Variants in ABLIM2 observed in about 807,000 individuals in gnomAD.
ABLIM2 encodes the protein actin-binding LIM protein 2.
Under a neutral mutation model 97.7 loss-of-function variants are expected in ABLIM2, and 53 were observed. The ratio of observed to expected loss-of-function variants is 0.54; its 90% CI spans 0.44 to 0.68. ABLIM2 has a LOEUF of 0.68. ABLIM2 is among the 30% of genes least tolerant of loss of function. The pLI, the probability that ABLIM2 is intolerant of heterozygous loss-of-function variation, is 0.00. For synonymous variants in ABLIM2, 361 were observed against 345.8 expected, an observed-to-expected ratio of 1.04 and a Z score of -0.49; for missense variants, 835 against 867.2, an observed-to-expected ratio of 0.96 and a Z score of 0.47.
chr4:8,155,597 A>C lies in ABLIM2; in HGVS notation c.10+3083T>G, dbSNP rs1715048350. Among the ~76,000 whole-genome samples, 1 of 152,196 alleles carries C rather than the reference A, an allele frequency of 6.6e-6. No homozygotes were observed. The highest frequency in any genetic ancestry group is 6.5e-5 in the Admixed American group (1 of 15,290). On this transcript the variant is annotated intron_variant, in intron 1 of 20. Transcript: ENST00000447017. The surrounding 1 kb of genome is among the most constrained non-coding windows in gnomAD (Gnocchi z 4.2). ...TATGGACTGAATTGTCTAAATTCAT[A>C]TGCTGAAGTCCTAACCCCCAGTACT...
In ABLIM2 at chr4:7,970,142, T is replaced by G. The variant is rs539649116; in HGVS notation, c.1825-3039A>C. ...GTGATACCAGACCTTGTTCCAGACA[T>G]GGAAAGTCAGAGACACAAGGCCCCT... On this transcript the variant is annotated intron_variant, in intron 20 of 20. Transcript: ENST00000447017. The surrounding 1 kb of genome is among the most constrained non-coding windows in gnomAD (Gnocchi z 5.3). Among the ~76,000 whole-genome samples, 2 of 152,234 alleles carry G rather than the reference T, an allele frequency of 1.3e-5. No individual in the cohort carries two copies. Among genetic ancestry groups the G allele is most frequent in the South Asian group, 4.1e-4 (2 of 4,828 alleles).
Position 8,043,610 on chromosome 4 carries a change from T to C in ABLIM2, c.900+1554A>G, listed in dbSNP as rs929072955. ...CCGGATGCACACAGATGACCCGTGA[T>C]GATGCAAGGAGAGGACGGCCGCCTG... is the stretch of plus-strand genomic sequence containing the variant. On this transcript the variant is annotated intron_variant, in intron 9 of 20. Coordinates refer to ENST00000447017, the MANE Select transcript of ABLIM2 (RefSeq NM_001130083.2). The surrounding 1 kb of genome is among the most constrained non-coding windows in gnomAD (Gnocchi z 4.8). Among the ~76,000 whole-genome samples the C allele has an allele frequency of 1.3e-5, 2 of 152,124 alleles. No individual in the cohort carries two copies. Among genetic ancestry groups the C allele is most frequent in the East Asian group, 1.9e-4 (1 of 5,160 alleles).
intron 1 of ABLIM2, among the ~76,000 whole-genome samples, chr4:8,134,467 C>T (rs979605261): frequency 6.6e-6 from 1 of 152,220 alleles, no homozygotes; most frequent in East Asian, 1.9e-4. Context: ...CGGCCCAGCC[C>T]CCGTCGGCAA....
chr4:8,039,235 T>C (rs755502865), intron 9 of ABLIM2, among the ~76,000 whole-genome samples: 21 of 151,760 alleles, frequency 1.4e-4, no homozygotes, highest in African/African-American at 4.6e-4. Context: ...CCTGGCGGGG[T>C]GTGTTTTGCA....
At chr4:8,027,675 T>C in intron 12 of ABLIM2, 84 bp downstream of exon 12, 2 of 1,133,160 alleles carry the variant, frequency 1.8e-6, no homozygotes, top group Admixed American at 6.6e-5. Flanking sequence ...GGTGAAGCCA[T>C]GCGGCAGACA....
At chr4:7,967,210 G>T (rs1444745574) in intron 20 of ABLIM2, 107 bp from the exon 21 acceptor site, 63 of 893,936 alleles carry the variant, frequency 7.0e-5, no homozygotes, top group Middle Eastern at 6.6e-4. Flanking sequence ...TTGCATTGAG[G>T]ATGGGGTGGC....
intron 20 of ABLIM2, among the ~76,000 whole-genome samples, chr4:7,969,845 T>C (rs770805622): frequency 6.6e-6 from 1 of 151,896 alleles, no homozygotes; most frequent in Non-Finnish European, 1.5e-5. Context: ...AGGAAAAGAA[T>C]CCTGGTGCTT....
intron 3 of ABLIM2, among the ~76,000 whole-genome samples, chr4:8,091,479 A>AATTATATATAATAT (rs1827976344): frequency 2.0e-4 from 4 of 19,904 alleles, no homozygotes; most frequent in African/African-American, 2.9e-4. Flanking sequence ...TATAATATAT[A>AATTATATATAATAT]ATATTTTATA....
chr4:8,136,098 C>T (rs1016207678), intron 1 of ABLIM2, among the ~76,000 whole-genome samples: 5 of 152,182 alleles, frequency 3.3e-5, no homozygotes, highest in Admixed American at 6.5e-5. Flanking sequence ...GTGGTCTATA[C>T]GGACGATGAA....
intron 6 of ABLIM2, among the ~76,000 whole-genome samples, chr4:8,062,363 T>C (rs1161327467): frequency 6.6e-6 from 1 of 152,050 alleles, no homozygotes; most frequent in Non-Finnish European, 1.5e-5. Flanking sequence ...CCACAGCATC[T>C]GGCCCCAGAA....
intron 1 of ABLIM2, among the ~76,000 whole-genome samples, chr4:8,139,683 G>T (rs746791770): frequency 6.6e-6 from 1 of 152,204 alleles, no homozygotes; most frequent in Non-Finnish European, 1.5e-5. Flanking sequence ...CATTGTGAAA[G>T]ATAGTGTGCT....
At chr4:8,138,929 G>A (rs1317722039) in intron 1 of ABLIM2, among the ~76,000 whole-genome samples, 1 of 152,244 alleles carries the variant, frequency 6.6e-6, no homozygotes, top group African/African-American at 2.4e-5. Context: ...GGGTGCAGTG[G>A]CTCACGCCTG....
Position 8,150,982 on chromosome 4 carries a change from C to T in ABLIM2, c.10+7698G>A, listed in dbSNP as rs1172159886. ...GTGACAAAGGCCATTCTGCCCGTTC[C>T]CTGGTGCCTGCCGTGCCCAGGCCCT... is the stretch of plus-strand genomic sequence containing the variant. On this transcript the variant is annotated intron_variant, in intron 1 of 20. Coordinates refer to ENST00000447017, the MANE Select transcript of ABLIM2 (RefSeq NM_001130083.2). This position sits in a 1 kb window ranked among gnomAD's most constrained non-coding sequence, Gnocchi z 6.3. Among the ~76,000 whole-genome samples the T allele has an allele frequency of 6.6e-6, 1 of 152,170 alleles. No homozygotes were observed. Among genetic ancestry groups the T allele is most frequent in the African/African-American group, 2.4e-5 (1 of 41,446 alleles).
chr4:8,147,576 G>C lies in ABLIM2; in HGVS notation c.10+11104C>G, dbSNP rs1399383936. ...GAGGGAGCGGGAGACGACACACACA[G>C]GGGAGAAGTAGCATGAAGATGGAGC... On this transcript the variant is annotated intron_variant, in intron 1 of 20. Transcript: ENST00000447017. This position sits in a 1 kb window ranked among gnomAD's most constrained non-coding sequence, Gnocchi z 5.3. Among the ~76,000 whole-genome samples, 2 of 152,196 alleles carry C rather than the reference G, an allele frequency of 1.3e-5. No individual in the cohort carries two copies. The highest frequency in any genetic ancestry group is 1.3e-4 in the Admixed American group (2 of 15,284).
At chr4:7,980,333 T>A (rs144549322) in intron 20 of ABLIM2, among the ~76,000 whole-genome samples, 1 of 152,264 alleles carries the variant, frequency 6.6e-6, no homozygotes, top group East Asian at 1.9e-4. Context: ...CCTGTATGAC[T>A]CTAGTATAGC....
chr4:8,068,231 G>A lies in ABLIM2; in HGVS notation c.676-7177C>T, dbSNP rs533413776. ...GCCCGCGTGGGGCTCATGATGGCTC[G>A]GATTTCAAAATATATGAGCAACTGA... On this transcript the variant is annotated intron_variant, in intron 6 of 20. Transcript: ENST00000447017. This position sits in a 1 kb window ranked among gnomAD's most constrained non-coding sequence, Gnocchi z 4.5. Among the ~76,000 whole-genome samples, 22 of 152,272 alleles carry A rather than the reference G, an allele frequency of 1.4e-4. No individual in the cohort carries two copies. Among genetic ancestry groups the A allele is most frequent in the Admixed American group, 1.2e-3 (19 of 15,296 alleles).
chr4:8,045,884 G>A (rs1163303877), intron 8 of ABLIM2, among the ~76,000 whole-genome samples: 1 of 152,066 alleles, frequency 6.6e-6, no homozygotes, highest in Non-Finnish European at 1.5e-5. Context: ...CACTGGCCCA[G>A]GTTCCTGGGA....
At position 7,973,076 on chromosome 4, in the gene ABLIM2, T is replaced by TGTGTGTGA. The variant is rs71924936; in HGVS notation, c.1825-5974_1825-5973insTCACACAC. Among the ~76,000 whole-genome samples the TGTGTGTGA allele has an allele frequency of 4.3e-3, 154 of 35,762 alleles. 1 individual carries two copies. Among genetic ancestry groups the TGTGTGTGA allele is most frequent in the African/African-American group, 0.017 (148 of 8,758 alleles). The allele number at this position is 35,762 out of a possible 152,430, so 23.5% of individuals were successfully genotyped here. ...TCCAGCAATGAGCTGCTCCCCTTGC[T>TGTGTGTGA]GTGTGTGTGTGTGTGTGTGTGTGTG... On this transcript the variant is annotated intron_variant, in intron 20 of 20. Transcript: ENST00000447017.
chr4:8,012,709 A>C (rs1396874980), intron 14 of ABLIM2, among the ~76,000 whole-genome samples: 1 of 151,426 alleles, frequency 6.6e-6, no homozygotes, highest in Non-Finnish European at 1.5e-5. Flanking sequence ...TTATTCATCC[A>C]GCTTCCACTT....
Sources: allele counts gnomAD v4.1 joint callset (sites outside exome capture counted in the v4.1 genomes callset), GRCh38; gene constraint gnomAD v4.1.1; non-coding constraint Gnocchi (gnomAD v3.1); transcripts MANE v1.5; gene names NCBI Gene and HGNC (gene_info 2026-07-23, HGNC 2026-07-21).